LPA: variants seen among roughly 807,000 people sequenced by gnomAD.
The protein encoded by LPA is apolipoprotein(a).
A neutral mutation model predicts 197.9 loss-of-function variants in LPA; 199 were observed. That is an observed-to-expected ratio of 1.01 (90% CI 0.90 to 1.13). The LOEUF (loss-of-function observed/expected upper bound fraction) is 1.13. Ranked by LOEUF, LPA falls within the 50% of genes most tolerant of loss-of-function variation. The pLI, the probability that LPA is intolerant of heterozygous loss-of-function variation, is 0.00. For missense variants in LPA, 1,853 were observed against 1,785.8 expected (o/e 1.04, Z -0.68); for synonymous variants, 715 against 639.5 (o/e 1.12, Z -1.78).
At position 160,597,680 on chromosome 6, in the gene LPA, G is replaced by A. The variant is rs183626464; in HGVS notation, c.3287+1820C>T. Among the ~76,000 whole-genome samples, 216 of 152,060 alleles carry A rather than the reference G, an allele frequency of 1.4e-3. 2 individuals carry two copies. The highest frequency in any genetic ancestry group is 5.5e-4 in the African/African-American group (23 of 41,454). ...TTTCCCTTGATATGATATCTGTTAC[G>A]TTCCATGTTTATGTTTTCTTAAATC... On this transcript the variant is annotated intron_variant, in intron 20 of 38. Coordinates refer to ENST00000316300, the MANE Select transcript of LPA (RefSeq NM_005577.4).
chr6:160,576,053 G>T (rs1440329250), intron 28 of LPA, among the ~76,000 whole-genome samples: 1 of 151,866 alleles, frequency 6.6e-6, no homozygotes, highest in African/African-American at 2.4e-5. Context: ...GATCACATTT[G>T]TTTTCTGTTC....
chr6:160,595,344 G>A lies in LPA; in HGVS notation c.3469+10C>T. 6.2e-7 allele frequency: 1 copy of A among 1,611,410 alleles called. No individual in the cohort carries two copies. The highest frequency in any genetic ancestry group is 8.5e-7 in the Non-Finnish European group (1 of 1,179,828). ...CCTAGGGTGTGGTTGTCTGGCCATA[G>A]ACTTCCTACCTTCTTCAGAAGAAGC... On this transcript the variant is annotated intron_variant, in intron 21 of 38. Coordinates refer to ENST00000316300, the MANE Select transcript of LPA (RefSeq NM_005577.4).
intron 18 of LPA, among the ~76,000 whole-genome samples, chr6:160,601,746 C>T (rs996405485): frequency 6.6e-6 from 1 of 152,188 alleles, no homozygotes. Flanking sequence ...CTCAAAGCTG[C>T]CCTGGAAACC....
chr6:160,647,168 G>A (rs1335228705), intron 2 of LPA, among the ~76,000 whole-genome samples: 4 of 152,156 alleles, frequency 2.6e-5, no homozygotes, highest in Non-Finnish European at 5.9e-5. Context: ...AGAACTGGGG[G>A]ATGAGTTGAA....
chr6:160,538,399 T>C lies in LPA; in HGVS notation c.5736-438A>G, dbSNP rs537141661. On this transcript the variant is annotated intron_variant, in intron 36 of 38. Coordinates refer to ENST00000316300, the MANE Select transcript of LPA (RefSeq NM_005577.4). Reference sequence around the variant, plus strand: ...TGTGTGCCCAGAGCAAGTTGCTCCATCTGGATCCTCCACTTCCTCCTCGTG... The same window carrying C: ...TGTGTGCCCAGAGCAAGTTGCTCCACCTGGATCCTCCACTTCCTCCTCGTG... 3.9e-5 allele frequency among the ~76,000 whole-genome samples: 6 copies of C among 152,302 alleles called. No individual in the cohort carries two copies. In the East Asian group the frequency reaches 1.2e-3, roughly 29 times the overall value.
intron 22 of LPA, among the ~76,000 whole-genome samples, chr6:160,592,583 T>G (rs1779050255): frequency 6.6e-6 from 1 of 152,216 alleles, no homozygotes; most frequent in Non-Finnish European, 1.5e-5. Flanking sequence ...TGAAAACTTC[T>G]TTTGTGTCTA....
In LPA at chr6:160,653,715, T is replaced by C. The variant is rs537643855; in HGVS notation, c.50-3218A>G. 6.0e-5 allele frequency among the ~76,000 whole-genome samples: 9 copies of C among 150,096 alleles called. No homozygotes were observed. The East Asian group carries it at 1.8e-3, about 30-fold the overall frequency. ...ATATGGAACAACAAAAAAAGAAAACTTCAAGCCAATATCCTTGATGAACAC... is the reference window on the plus strand; with the variant it reads ...ATATGGAACAACAAAAAAAGAAAACCTCAAGCCAATATCCTTGATGAACAC... On this transcript the variant is annotated intron_variant, in intron 1 of 38. Coordinates refer to ENST00000316300, the MANE Select transcript of LPA (RefSeq NM_005577.4).
chr6:160,573,923 T>A (rs1014811735), intron 28 of LPA, among the ~76,000 whole-genome samples: 2 of 152,112 alleles, frequency 1.3e-5, no homozygotes, highest in African/African-American at 2.4e-5. Context: ...TATACTAGTG[T>A]GGAGAGGGAC....
At chr6:160,590,645 T>A (rs1410001291) in intron 23 of LPA, among the ~76,000 whole-genome samples, 1 of 152,130 alleles carries the variant, frequency 6.6e-6, no homozygotes, top group Admixed American at 6.5e-5. Context: ...TTTGGCAGGA[T>A]GTTAGAATAT....
In LPA at chr6:160,585,163, C is replaced by G. The variant is rs745845579; in HGVS notation, c.4172G>C (p.Gly1391Ala). The G allele has an allele frequency of 5.6e-6, 9 of 1,613,626 alleles. No individual in the cohort carries two copies. In the South Asian group the frequency reaches 9.9e-5, roughly 18 times the overall value. Residue 1391 changes from glycine (G) to alanine (A), a missense_variant, in exon 26 of 39, where the codon GGT (glycine) becomes GCT (alanine). Gly to Ala is a moderately conservative substitution (Grantham distance 60, BLOSUM62 0). Coordinates refer to ENST00000316300, the MANE Select transcript of LPA (RefSeq NM_005577.4). ...NSTGVQDCYR[G>A]DGQSYRGTLS... Reference sequence around the variant, plus strand: ...TGTGCCTCGATAACTCTGTCCATCACCTCGGTAGCAGTCCTGGACCCCAGT... The same window carrying G: ...TGTGCCTCGATAACTCTGTCCATCAGCTCGGTAGCAGTCCTGGACCCCAGT...
chr6:160,648,797 G>A (rs1387361219), intron 2 of LPA, among the ~76,000 whole-genome samples: 2 of 151,926 alleles, frequency 1.3e-5, no homozygotes, highest in African/African-American at 2.4e-5. Context: ...GGTGTCTGTT[G>A]CATTCTATAT....
At chr6:160,563,229 T>C (rs1296809727) in intron 28 of LPA, among the ~76,000 whole-genome samples, 4 of 152,090 alleles carry the variant, frequency 2.6e-5, no homozygotes, top group African/African-American at 9.7e-5. Flanking sequence ...CCTCTAAACA[T>C]GGCTTTAGCT....
chr6:160,538,265 G>A (rs1028343601), intron 36 of LPA, among the ~76,000 whole-genome samples: 11 of 152,194 alleles, frequency 7.2e-5, no homozygotes, highest in Non-Finnish European at 1.0e-4. Context: ...GTGCACGATT[G>A]GAATCTCATG....
intron 36 of LPA, among the ~76,000 whole-genome samples, chr6:160,538,698 C>G (rs1777930256): frequency 6.6e-6 from 1 of 152,190 alleles, no homozygotes; most frequent in Non-Finnish European, 1.5e-5. Flanking sequence ...GACACACTTT[C>G]TGCTTCTGGA....
chr6:160,653,488 T>C (rs900187152), intron 1 of LPA, among the ~76,000 whole-genome samples: 1 of 83,802 alleles, frequency 1.2e-5, no homozygotes, highest in Non-Finnish European at 2.3e-5. Context: ...TGAAAGTGAG[T>C]TTTAGAACTC....
intron 7 of LPA, among the ~76,000 whole-genome samples, chr6:160,634,805 A>T (rs1779772949): frequency 6.6e-6 from 1 of 150,426 alleles, no homozygotes; most frequent in African/African-American, 2.5e-5. Context: ...CGACAGAAAG[A>T]ATCACACACC....
At chr6:160,548,043 C>T (rs41264844) in intron 31 of LPA, 106 bp from the exon 32 acceptor site, 28,909 of 1,201,994 alleles carry the variant, frequency 0.024, 427 homozygotes, top group East Asian at 0.034. Flanking sequence ...TTCTCTAGGA[C>T]GACAGAATCA....
At chr6:160,649,935 A>G (rs1205548944) in intron 2 of LPA, among the ~76,000 whole-genome samples, 2 of 152,164 alleles carry the variant, frequency 1.3e-5, no homozygotes, top group East Asian at 3.9e-4. Context: ...CTTTCCATAG[A>G]TATGCACATA....
intron 26 of LPA, among the ~76,000 whole-genome samples, chr6:160,580,353 C>T (rs1258022432): frequency 6.6e-6 from 1 of 152,040 alleles, no homozygotes; most frequent in Non-Finnish European, 1.5e-5. Context: ...GTTTATAAAA[C>T]ATAAAGCTGC....
Sources: gnomAD v4.1 joint callset for allele counts (sites outside exome capture counted in the v4.1 genomes callset) on GRCh38, gnomAD v4.1.1 for gene constraint, MANE v1.5 for transcripts, NCBI Gene and HGNC (gene_info 2026-07-23, HGNC 2026-07-21) for gene names.